Variants in PCLO observed in about 807,000 individuals in gnomAD.
PCLO encodes protein piccolo.
In PCLO, 82 loss-of-function variants were observed where a neutral mutation model predicts 427.5. That is an observed-to-expected ratio of 0.19 (90% confidence interval 0.16 to 0.23). PCLO has a LOEUF of 0.23. Ranked by LOEUF, PCLO falls within the 10% of genes least tolerant of loss-of-function variation. The probability of loss-of-function intolerance (pLI) is 1.00; values close to 1 mark genes in which losing one functional copy is unlikely to be tolerated. For missense variants in PCLO, 6,239 were observed against 6,115.9 expected, an observed-to-expected ratio of 1.02 and a Z score of -0.67; for synonymous variants, 2,357 against 2,155.4, an observed-to-expected ratio of 1.09 and a Z score of -2.59.
Position 83,155,376 on chromosome 7 carries a change from G to C in PCLO, c.1265C>G (p.Ala422Gly), listed in dbSNP as rs1792255160. Residue 422 changes from alanine to glycine, a missense_variant, in exon 2 of 25, where the codon GCT (alanine) becomes GGT (glycine). Transcript: ENST00000333891. ...TQQVGTPKPL[A>G]QQPGLQSPAK... Reference sequence around the variant, plus strand: ...TGGAGACTGTAGCCCAGGTTGTTGAGCTAGGGGTTTTGGTGTCCCCACCTG... The same window carrying C: ...TGGAGACTGTAGCCCAGGTTGTTGACCTAGGGGTTTTGGTGTCCCCACCTG... The C allele has an allele frequency of 6.2e-7, 1 of 1,613,798 alleles. No homozygotes were observed. The highest frequency in any genetic ancestry group is 1.7e-5 in the Admixed American group (1 of 59,998).
At chr7:83,072,333 CA>C (rs1327405793) in intron 3 of PCLO, among the ~76,000 whole-genome samples, 1 of 151,986 alleles carries the variant, frequency 6.6e-6, no homozygotes, top group Non-Finnish European at 1.5e-5. Flanking sequence ...ATACAACTGC[CA>C]AAACCTAACA....
intron 3 of PCLO, among the ~76,000 whole-genome samples, chr7:83,106,313 C>T (rs1790854103): frequency 6.6e-6 from 1 of 152,168 alleles, no homozygotes; most frequent in Non-Finnish European, 1.5e-5. Context: ...GCTAAAGTTA[C>T]CCTATGGAGC....
intron 3 of PCLO, among the ~76,000 whole-genome samples, chr7:83,128,167 G>A (rs138491267): frequency 6.6e-6 from 1 of 151,864 alleles, no homozygotes; most frequent in African/African-American, 2.4e-5. Flanking sequence ...CTATCCAAAA[G>A]AGCCAACAAT....
rs568283414 is a variant in PCLO, at chr7:82,954,571, G to A, written c.6382C>T (p.Pro2128Ser). The change falls in exon 5 of 25, where the codon CCA (proline) becomes TCA (serine). Residue 2128 changes from proline (P) to serine (S), a missense_variant. Pro to Ser is a moderately conservative substitution (Grantham distance 74, BLOSUM62 -1). Around this residue, in one of 5 missense-constraint regions of PCLO, gnomAD observed 4,677 missense variants for 4,468.4 expected, o/e 1.05. Transcript: ENST00000333891. ...AAATGTTGGGTTATTTTAACATCTG[G>A]GATAGAGAGTGTTGCACTGCTGGTC... is the stretch of plus-strand genomic sequence containing the variant. ...DSTSSATLSI[P>S]DVKITQHFST... The A allele has an allele frequency of 6.2e-7, 1 of 1,613,854 alleles. No homozygotes were observed. The highest frequency in any genetic ancestry group is 1.7e-5 in the Admixed American group (1 of 60,008).
chr7:82,777,315 A>T (rs1790775214), intron 22 of PCLO, among the ~76,000 whole-genome samples: 1 of 152,218 alleles, frequency 6.6e-6, no homozygotes, highest in African/African-American at 2.4e-5. Context: ...TATCAAGAAA[A>T]TGACCATATT....
intron 21 of PCLO, among the ~76,000 whole-genome samples, chr7:82,803,926 G>A (rs1377737457): frequency 6.6e-6 from 1 of 152,030 alleles, no homozygotes; most frequent in Non-Finnish European, 1.5e-5. Context: ...ATCAAAATTA[G>A]AATGTGGTAT....
intron 3 of PCLO, among the ~76,000 whole-genome samples, chr7:83,072,402 A>C (rs1024195671): frequency 2.6e-5 from 4 of 152,184 alleles, no homozygotes; most frequent in South Asian, 2.1e-4. Context: ...AAAATTTCTC[A>C]TGTTATTTTT....
At chr7:83,108,961 A>G (rs896932184) in intron 3 of PCLO, among the ~76,000 whole-genome samples, 11 of 152,248 alleles carry the variant, frequency 7.2e-5, no homozygotes, top group Admixed American at 2.0e-4. Context: ...GACATTGAAA[A>G]TAATGGCAAA....
rs181120168 is a variant in PCLO, at chr7:83,100,209, T to C, written c.3300+34041A>G. ...AAAAAGCAACACTTATACACTGTTG[T>C]TGTGAGTGTAAATTAGTTCAGCTAC... On this transcript the variant is annotated intron_variant, in intron 3 of 24. Coordinates refer to ENST00000333891, the MANE Select transcript of PCLO (RefSeq NM_033026.6). Among the ~76,000 whole-genome samples the C allele has an allele frequency of 2.0e-3, 299 of 152,300 alleles. 2 individuals are homozygous for C. Among genetic ancestry groups the C allele is most frequent in the African/African-American group, 6.8e-3 (282 of 41,564 alleles).
At position 82,915,704 on chromosome 7, in the gene PCLO, G is replaced by A. The variant is rs757947018; in HGVS notation, c.12282C>T (p.Phe4094=). 3 of 1,612,624 alleles carry A rather than the reference G, an allele frequency of 1.9e-6. No individual in the cohort carries two copies. The highest frequency in any genetic ancestry group is 1.1e-5 in the South Asian group (1 of 91,012). The change falls in exon 7 of 25, where the codon TTC becomes TTT. Residue 4094 remains phenylalanine, a synonymous_variant. Transcript: ENST00000333891. ...TAGAGGAAGACTGTAAAGGTGCTAG[G>A]AAATCTGTCACTTCTTGAGACCGGC... ...ETRRSQEVTD[F]LAPLQSSSRL...
intron 3 of PCLO, among the ~76,000 whole-genome samples, chr7:83,029,733 T>C (rs1788610158): frequency 8.5e-6 from 1 of 117,042 alleles, no homozygotes; most frequent in Non-Finnish European, 1.7e-5. Flanking sequence ...AATGATAGAC[T>C]GGATTAAGAA....
At chr7:82,764,503 C>T (rs1389732849) in intron 22 of PCLO, among the ~76,000 whole-genome samples, 1 of 151,874 alleles carries the variant, frequency 6.6e-6, no homozygotes, top group Non-Finnish European at 1.5e-5. Flanking sequence ...AAAATTGTTT[C>T]AGATTGGCTC....
chr7:83,025,511 C>T (rs1015588779), intron 3 of PCLO, among the ~76,000 whole-genome samples: 4 of 151,868 alleles, frequency 2.6e-5, no homozygotes, highest in Non-Finnish European at 5.9e-5. Flanking sequence ...GAGAATGGAA[C>T]CAAGTTGGAA....
At chr7:82,984,432 G>A (rs1583871558) in intron 3 of PCLO, among the ~76,000 whole-genome samples, 1 of 151,244 alleles carries the variant, frequency 6.6e-6, no homozygotes, top group Admixed American at 6.6e-5. Context: ...GTGTGTGTGT[G>A]TGTGTGTGTG....
At position 83,126,184 on chromosome 7, in the gene PCLO, A is replaced by G. The variant is rs577982948; in HGVS notation, c.3300+8066T>C. Among the ~76,000 whole-genome samples, 7 of 152,266 alleles carry G rather than the reference A, an allele frequency of 4.6e-5. No individual in the cohort carries two copies. The South Asian group carries it at 1.5e-3, about 32-fold the overall frequency. ...GGGAACTAAAAATTAAAACAATTGA[A>G]CTCATGGCGATAGACAGTAGAATGA... On this transcript the variant is annotated intron_variant, in intron 3 of 24. Transcript: ENST00000333891.
chr7:83,058,700 T>TG (rs1789464089), intron 3 of PCLO, among the ~76,000 whole-genome samples: 1 of 152,082 alleles, frequency 6.6e-6, no homozygotes, highest in Non-Finnish European at 1.5e-5. Flanking sequence ...ATCTGAGAGA[T>TG]GGGGGAAGGG....
At chr7:83,012,940 G>A (rs1788120583) in intron 3 of PCLO, among the ~76,000 whole-genome samples, 1 of 151,994 alleles carries the variant, frequency 6.6e-6, no homozygotes. Flanking sequence ...TGCAGAGAAG[G>A]AAAGTCACAA....
At position 82,956,223 on chromosome 7, in the gene PCLO, A is replaced by T. The variant is rs1366983723; in HGVS notation, c.4730T>A (p.Phe1577Tyr). The T allele has an allele frequency of 6.8e-6, 11 of 1,610,750 alleles. No individual in the cohort carries two copies. In the Admixed American group the frequency reaches 1.8e-4, roughly 27 times the overall value. ...AATCTCTTTGAGCTGGTTTCTGATGAACTCATCATCTTCAGAACCTGAAGC... is the reference window on the plus strand; with the variant it reads ...AATCTCTTTGAGCTGGTTTCTGATGTACTCATCATCTTCAGAACCTGAAGC... ...EDASGSEDDE[F>Y]IRNQLKEISS... Residue 1577 changes from phenylalanine to tyrosine, a missense_variant, in exon 5 of 25, where the codon TTC (phenylalanine) becomes TAC (tyrosine). Physicochemically the swap from Phe to Tyr is conservative, Grantham distance 22 (BLOSUM62 3). This residue lies in a region of PCLO where 4,677 missense variants were observed against 4,468.4 expected (regional missense o/e 1.05). Transcript: ENST00000333891.
At chr7:82,798,726 C>T (rs1026930788) in intron 22 of PCLO, among the ~76,000 whole-genome samples, 3 of 151,872 alleles carry the variant, frequency 2.0e-5, no homozygotes, top group Non-Finnish European at 4.4e-5. Context: ...TGATTCATGC[C>T]CAATTCATAT....
Sources: allele counts gnomAD v4.1 joint callset (sites outside exome capture counted in the v4.1 genomes callset), GRCh38; gene constraint gnomAD v4.1.1; regional missense constraint gnomAD v4.1.1; transcripts MANE v1.5; gene names NCBI Gene and HGNC (gene_info 2026-07-23, HGNC 2026-07-21).